The following CFAP54 variants were observed in gnomAD, a reference collection of about 807,000 sequenced individuals.
CFAP54 encodes the protein cilia and flagella associated protein 54, also known as cilia- and flagella-associated protein 54.
Under a neutral mutation model 370.4 loss-of-function variants are expected in CFAP54, and 290 were observed. The ratio of observed to expected loss-of-function variants is 0.78; its 90% CI spans 0.71 to 0.86. CFAP54 has a LOEUF of 0.86. Among genes scored for constraint, CFAP54 ranks in the 40% least tolerant of loss-of-function variants. The probability of loss-of-function intolerance (pLI) is 0.00; values close to 1 mark genes in which losing one functional copy is unlikely to be tolerated. For missense variants in CFAP54, 3,399 were observed against 3,528.7 expected (o/e 0.96, Z 0.93); for synonymous variants, 1,206 against 1,236.5 (o/e 0.98, Z 0.52).
chr12:96,540,106 T>C (rs1011101942), intron 13 of CFAP54: 2 of 152,026 alleles, frequency 1.3e-5, no homozygotes, highest in East Asian at 3.8e-4. Context: ...AATTTCTTTC[T>C]TTCTCTTTTT....
At chr12:96,807,621 T>C (rs7313219) in intron 63 of CFAP54, among the ~76,000 whole-genome samples, 1 of 152,158 alleles carries the variant, frequency 6.6e-6, no homozygotes, top group African/African-American at 2.4e-5. Flanking sequence ...TCCTCCTGAA[T>C]CCACCCTGAA....
chr12:96,551,618 G>A (rs1290992154), intron 15 of CFAP54, among the ~76,000 whole-genome samples: 1 of 151,926 alleles, frequency 6.6e-6, no homozygotes, highest in African/African-American at 2.4e-5. Context: ...TGCATTAGCT[G>A]ATGAAAGGAA....
At chr12:96,494,947 G>A (rs1412507400) in intron 1 of CFAP54, among the ~76,000 whole-genome samples, 1 of 151,950 alleles carries the variant, frequency 6.6e-6, no homozygotes, top group South Asian at 2.1e-4. Context: ...GGATGGTCTC[G>A]ATATCTTGAC....
At chr12:96,845,757 C>G (rs1959325556) in intron 66 of CFAP54, among the ~76,000 whole-genome samples, 1 of 152,192 alleles carries the variant, frequency 6.6e-6, no homozygotes, top group African/African-American at 2.4e-5. Context: ...TCAGAGTCGG[C>G]TTCCCAACAA....
chr12:96,500,682 CTG>C (rs1428097721), intron 1 of CFAP54, among the ~76,000 whole-genome samples, 150 bp from the exon 2 acceptor site: 10 of 152,162 alleles, frequency 6.6e-5, no homozygotes, highest in African/African-American at 2.2e-4. Flanking sequence ...ATAATTTTAA[CTG>C]TAATTACATT....
chr12:96,501,077 T>C (rs1955020472), intron 2 of CFAP54, 138 bp downstream of exon 2: 1 of 533,544 alleles, frequency 1.9e-6, no homozygotes. Flanking sequence ...ATAAAAATTT[T>C]AATAAGGCAC....
rs1330089379 is a variant in CFAP54 at position 96,642,483 on chromosome 12, AATCTCTGT to A, written c.4317-1688_4317-1681del. 5.3e-5 allele frequency among the ~76,000 whole-genome samples: 8 copies of A among 152,272 alleles called. No homozygotes were observed. In the East Asian group the frequency reaches 9.6e-4, roughly 18 times the overall value. ...ATATCTATCTAAATATAGCTATATA[AATCTCTGT>A]ATCTCTCTATCTCTCTGTATCTAAA... is the stretch of plus-strand genomic sequence containing the variant. On this transcript the variant is annotated intron_variant, in intron 32 of 67. Coordinates refer to ENST00000524981, the MANE Select transcript of CFAP54 (RefSeq NM_001306084.2).
intron 60 of CFAP54, among the ~76,000 whole-genome samples, chr12:96,772,005 A>G (rs1958467555): frequency 6.6e-6 from 1 of 152,172 alleles, no homozygotes; most frequent in Non-Finnish European, 1.5e-5. Context: ...CAAACACTGA[A>G]CTGTTCTTAG....
chr12:96,622,062 A>T lies in CFAP54; in HGVS notation c.3771+341A>T, dbSNP rs868784063. 9.2e-5 allele frequency among the ~76,000 whole-genome samples: 14 copies of T among 151,718 alleles called. No individual in the cohort carries two copies. In the Middle Eastern group the frequency reaches 0.01, roughly 111 times the overall value. On this transcript the variant is annotated intron_variant, in intron 27 of 67. Coordinates refer to ENST00000524981, the MANE Select transcript of CFAP54 (RefSeq NM_001306084.2). ...CTCTAAAGTCTCTTCCAAATCTAAG[A>T]TTTTATTGTTCTGGGTGGATCATTG...
intron 67 of CFAP54, among the ~76,000 whole-genome samples, chr12:96,868,095 C>T (rs1960052096): frequency 6.6e-6 from 1 of 152,094 alleles, no homozygotes; most frequent in Non-Finnish European, 1.5e-5. Context: ...GGACTCAACC[C>T]AGACGTCTCC....
chr12:96,540,057 T>G (rs1463009326), intron 13 of CFAP54: 1 of 152,170 alleles, frequency 6.6e-6, no homozygotes, highest in Non-Finnish European at 1.5e-5. Flanking sequence ...TGATAGTTGG[T>G]TTTATGTGCT....
At chr12:96,806,186 AT>A (rs1565984863) in intron 63 of CFAP54, among the ~76,000 whole-genome samples, 1,350 of 86,208 alleles carry the variant, frequency 0.016, 142 homozygotes, top group African/African-American at 0.026. Context: ...ATATATATAT[AT>A]ATATATATAT....
intron 50 of CFAP54, among the ~76,000 whole-genome samples, chr12:96,739,508 GTAACA>G: frequency 6.6e-6 from 1 of 152,176 alleles, no homozygotes; most frequent in South Asian, 2.1e-4. Flanking sequence ...ATAGCATTAG[GTAACA>G]TAGTTCCATG....
intron 65 of CFAP54, among the ~76,000 whole-genome samples, chr12:96,818,783 C>A (rs1479154773): frequency 6.6e-6 from 1 of 152,202 alleles, no homozygotes; most frequent in Non-Finnish European, 1.5e-5. Flanking sequence ...TGCTCTGTTG[C>A]TTTTCCCAAA....
chr12:96,680,566 A>G (rs1324763652), intron 40 of CFAP54, among the ~76,000 whole-genome samples: 7 of 152,210 alleles, frequency 4.6e-5, no homozygotes, highest in Non-Finnish European at 7.3e-5. Context: ...TAAAATGCTA[A>G]TTTCCACTGA....
At chr12:96,511,565 C>A (rs1235892000) in intron 4 of CFAP54, among the ~76,000 whole-genome samples, 1 of 149,754 alleles carries the variant, frequency 6.7e-6, no homozygotes, top group Admixed American at 6.6e-5. Context: ...TGTTTTGCCC[C>A]CTTCAGCCTC....
At chr12:96,507,506 G>C (rs1224443151) in intron 4 of CFAP54, among the ~76,000 whole-genome samples, 1 of 148,080 alleles carries the variant, frequency 6.8e-6, no homozygotes, top group Admixed American at 6.9e-5. Flanking sequence ...TTTTGAGTGA[G>C]GACTGCTGAG....
intron 50 of CFAP54, among the ~76,000 whole-genome samples, chr12:96,734,109 C>T (rs1267572960): frequency 6.6e-6 from 1 of 152,156 alleles, no homozygotes; most frequent in African/African-American, 2.4e-5. Flanking sequence ...AAGTTAATTA[C>T]AGCACCTTAG....
chr12:96,509,472 T>C (rs909895166), intron 4 of CFAP54, among the ~76,000 whole-genome samples: 7 of 152,210 alleles, frequency 4.6e-5, no homozygotes, highest in African/African-American at 1.2e-4. Flanking sequence ...TTGACTGTTA[T>C]ACATACACAC....
Sources: gnomAD v4.1 joint callset for allele counts (sites outside exome capture counted in the v4.1 genomes callset) on GRCh38, gnomAD v4.1.1 for gene constraint, MANE v1.5 for transcripts, NCBI Gene and HGNC (gene_info 2026-07-23, HGNC 2026-07-21) for gene names.